Variants in TIRAP observed in about 807,000 individuals in gnomAD.
TIRAP encodes the protein toll/interleukin-1 receptor domain-containing adapter protein.
In TIRAP, 20 loss-of-function variants were observed where a neutral mutation model predicts 19.8. The observed-to-expected ratio is 1.01, with a 90% CI of 0.71 to 1.47. The LOEUF (loss-of-function observed/expected upper bound fraction) is 1.47, where lower values mean the gene tolerates loss of function less well. Among genes scored for constraint, TIRAP ranks in the 40% most tolerant of loss-of-function variants. TIRAP has a pLI of 0.00. For synonymous variants in TIRAP, 125 were observed against 121.7 expected, an observed-to-expected ratio of 1.03 and a Z score of -0.18; for missense variants, 276 against 285.1, an observed-to-expected ratio of 0.97 and a Z score of 0.23.
In TIRAP at chr11:126,288,129, C is replaced by G. The variant is rs1012160124; in HGVS notation, c.-216-2333C>G. The stretch of plus-strand genomic sequence containing the variant: ...TCCTGAGCTCACATGATCTGCCCAC[C>G]TCGGCCTCCCAAAGTGCTGGGATTA... On this transcript the variant is annotated intron_variant, in intron 1 of 4. Transcript: ENST00000392679. This position sits in a 1 kb window ranked among gnomAD's most constrained non-coding sequence, Gnocchi z 5.0. Among the ~76,000 whole-genome samples, 1 of 152,172 alleles carries G rather than the reference C, an allele frequency of 6.6e-6. No individual in the cohort carries two copies. The highest frequency in any genetic ancestry group is 1.5e-5 in the Non-Finnish European group (1 of 68,048).
At chr11:126,293,101 T>C (rs755654831) in intron 4 of TIRAP, 46 bp downstream of exon 4, 1 of 1,612,560 alleles carries the variant, frequency 6.2e-7, no homozygotes, top group Non-Finnish European at 8.5e-7. Flanking sequence ...TCAGCTACAG[T>C]ATCTGATCTA....
chr11:126,285,616 A>G (rs1040067996), intron 1 of TIRAP, among the ~76,000 whole-genome samples: 2 of 151,900 alleles, frequency 1.3e-5, no homozygotes, highest in Admixed American at 1.3e-4. Flanking sequence ...TCACTCTCCT[A>G]TTTATGTCTT....
At position 126,289,980 on chromosome 11, in the gene TIRAP, C is replaced by T. The variant is rs8177367; in HGVS notation, c.-216-482C>T. On this transcript the variant is annotated intron_variant, in intron 1 of 4. Transcript: ENST00000392679. The stretch of plus-strand genomic sequence containing the variant: ...CTGAATTAATGATCAGTTTGGGAAA[C>T]GTTAACATTACAAGTTTAATAAACC... 2.9e-3 allele frequency: 795 copies of T among 275,782 alleles called. 9 individuals carry two copies. The highest frequency in any genetic ancestry group is 0.017 in the African/African-American group (760 of 43,868). The allele number at this position is 275,782 out of a possible 1,614,324, so 17.1% of individuals were successfully genotyped here. A position where few individuals can be genotyped will look rare whatever the true frequency, so the allele number is the denominator to read the frequency against.
rs773396251 is a variant in TIRAP at position 126,292,727 on chromosome 11, C to T, written c.318C>T (p.Tyr106=). ...TGGCCGCCCAGGACCTGGTCTCCTACTTGGAAGGCAGCACTGCCAGCCTGC... is the reference window on the plus strand; with the variant it reads ...TGGCCGCCCAGGACCTGGTCTCCTATTTGGAAGGCAGCACTGCCAGCCTGC... ...DLVAAQDLVS[Y]LEGSTASLRC... Residue 106 remains tyrosine (Y), a synonymous_variant, in exon 4 of 5, where the codon TAC becomes TAT. Transcript: ENST00000392679. 6 of 1,613,546 alleles carry T rather than the reference C, an allele frequency of 3.7e-6. No individual in the cohort carries two copies. The South Asian group carries it at 6.6e-5, about 18-fold the overall frequency.
chr11:126,294,330 T>C lies in TIRAP; in HGVS notation c.*643T>C, dbSNP rs1565366142. ...GATGCAGTCAGCACTGCACTGTATTTTTTATTTATTGCCTAGGTGCCATTA... is the reference window on the plus strand; with the variant it reads ...GATGCAGTCAGCACTGCACTGTATTCTTTATTTATTGCCTAGGTGCCATTA... On this transcript the variant is annotated 3_prime_UTR_variant, in exon 5 of 5. Transcript: ENST00000392679. 2 of 353,066 alleles carry C rather than the reference T, an allele frequency of 5.7e-6. No homozygotes were observed. The highest frequency in any genetic ancestry group is 1.1e-5 in the Non-Finnish European group (2 of 179,400). 21.9% of individuals were successfully genotyped at this position (353,066 alleles called of 1,614,324 possible).
Position 126,294,731 on chromosome 11 carries a change from C to A in TIRAP, c.*1044C>A. On this transcript the variant is annotated 3_prime_UTR_variant, in exon 5 of 5. Transcript: ENST00000392679. ...CTCACTTCTCCCTATCATGACCCCTCTTTTGCTGAAAAAAATTTTTATTAT... is the reference window on the plus strand; with the variant it reads ...CTCACTTCTCCCTATCATGACCCCTATTTTGCTGAAAAAAATTTTTATTAT... The A allele has an allele frequency of 3.6e-6, 1 of 280,152 alleles. No individual in the cohort carries two copies. The highest frequency in any genetic ancestry group is 4.9e-5 in the Admixed American group (1 of 20,618). The allele number at this position is 280,152 out of a possible 1,614,324, so 17.4% of individuals were successfully genotyped here. A position where few individuals can be genotyped will look rare whatever the true frequency, so the allele number is the denominator to read the frequency against.
At chr11:126,284,890 G>C (rs962932744) in intron 1 of TIRAP, among the ~76,000 whole-genome samples, 1 of 151,680 alleles carries the variant, frequency 6.6e-6, no homozygotes, top group Non-Finnish European at 1.5e-5. Flanking sequence ...ACTGCTGTTT[G>C]AGTATATTCG....
Position 126,283,169 on chromosome 11 carries a change from G to T in TIRAP, c.-217+16G>T, listed in dbSNP as rs2135278718. 1.0e-6 allele frequency: 1 copy of T among 982,846 alleles called. No homozygotes were observed. The highest frequency in any genetic ancestry group is 1.1e-4 in the East Asian group (1 of 8,782). 60.9% of individuals were successfully genotyped at this position (982,846 alleles called of 1,614,324 possible). ...CCGCGCGCAGGTGAGCCCGGGGCGG[G>T]GTCGCGGGGGACCGGGAGGCGCGGC... is the stretch of plus-strand genomic sequence containing the variant. On this transcript the variant is annotated intron_variant, in intron 1 of 4. Transcript: ENST00000392679.
intron 1 of TIRAP, among the ~76,000 whole-genome samples, chr11:126,285,629 G>C (rs1199392960): frequency 6.6e-6 from 1 of 151,868 alleles, no homozygotes; most frequent in Admixed American, 6.6e-5. Context: ...TATGTCTTTT[G>C]ATGAACAGAA....
rs1591370408 is a variant in TIRAP at position 126,283,111 on chromosome 11, G to A, written c.-259G>A. 9 of 985,026 alleles carry A rather than the reference G, an allele frequency of 9.1e-6. No homozygotes were observed. The highest frequency in any genetic ancestry group is 1.1e-5 in the Non-Finnish European group (9 of 829,664). The allele number at this position is 985,026 out of a possible 1,614,324, so 61.0% of individuals were successfully genotyped here. A position where few individuals can be genotyped will look rare whatever the true frequency, so the allele number is the denominator to read the frequency against. ...CGCGCTGCTCTTCCCCGCGGAGCCC[G>A]CGCAGTCCGCGCAGCCCTCATCGCA... is the stretch of plus-strand genomic sequence containing the variant. On this transcript the variant is annotated 5_prime_UTR_variant, in exon 1 of 5. Coordinates refer to ENST00000392679, the MANE Select transcript of TIRAP (RefSeq NM_001318777.2).
intron 1 of TIRAP, among the ~76,000 whole-genome samples, chr11:126,283,632 T>C (rs2135279578): frequency 6.6e-6 from 1 of 152,310 alleles, no homozygotes; most frequent in Non-Finnish European, 1.5e-5. Context: ...ACACACGGGC[T>C]GGGCAGCCAC....
rs921963414 is a variant in TIRAP at position 126,290,051 on chromosome 11, T to C, written c.-216-411T>C. Among the ~76,000 whole-genome samples, 4 of 152,226 alleles carry C rather than the reference T, an allele frequency of 2.6e-5. No individual in the cohort carries two copies. The highest frequency in any genetic ancestry group is 1.3e-4 in the Admixed American group (2 of 15,278). On this transcript the variant is annotated intron_variant, in intron 1 of 4. Coordinates refer to ENST00000392679, the MANE Select transcript of TIRAP (RefSeq NM_001318777.2). The surrounding 1 kb of genome is among the most constrained non-coding windows in gnomAD (Gnocchi z 4.9). ...CAATATCTAGATTATTTTATATACA[T>C]AGTAGCCCACATTTTCTAAGCATTT...
At position 126,293,009 on chromosome 11, in the gene TIRAP, G is replaced by A. The variant is rs747533881; in HGVS notation, c.600G>A (p.Arg200=). Reference sequence around the variant, plus strand: ...GATTCATGTACTACGTCGATGGCAGGGGCCCTGATGGTGGCTTTCGTCAAG... The same window carrying A: ...GATTCATGTACTACGTCGATGGCAGAGGCCCTGATGGTGGCTTTCGTCAAG... ...ELRFMYYVDG[R]GPDGGFRQVK... Residue 200 remains arginine (R), a synonymous_variant, in exon 4 of 5, where the codon AGG becomes AGA. Coordinates refer to ENST00000392679, the MANE Select transcript of TIRAP (RefSeq NM_001318777.2). 11 of 1,614,076 alleles carry A rather than the reference G, an allele frequency of 6.8e-6. No individual in the cohort carries two copies. Among genetic ancestry groups the A allele is most frequent in the Non-Finnish European group, 9.3e-6 (11 of 1,180,042 alleles).
chr11:126,292,719 G>A lies in TIRAP; in HGVS notation c.310G>A (p.Val104Ile), dbSNP rs747051110. Residue 104 changes from valine to isoleucine, a missense_variant, in exon 4 of 5, where the codon GTC (valine) becomes ATC (isoleucine). Physicochemically the swap from Val to Ile is conservative, Grantham distance 29. Coordinates refer to ENST00000392679, the MANE Select transcript of TIRAP (RefSeq NM_001318777.2). ...EEDLVAAQDL[V>I]SYLEGSTASL... is the part of the protein sequence containing the mutation. ...AGACCTGGTGGCCGCCCAGGACCTG[G>A]TCTCCTACTTGGAAGGCAGCACTGC... is the stretch of plus-strand genomic sequence containing the variant. 6.2e-7 allele frequency: 1 copy of A among 1,613,560 alleles called. No homozygotes were observed. Among genetic ancestry groups the A allele is most frequent in the Non-Finnish European group, 8.5e-7 (1 of 1,179,784 alleles).
At chr11:126,284,033 C>CT (rs749115228) in intron 1 of TIRAP, among the ~76,000 whole-genome samples, 49,765 of 113,188 alleles carry the variant, frequency 0.44, 12,847 homozygotes, top group East Asian at 0.81. Flanking sequence ...TCATGTACTT[C>CT]TTTTTTTTTT....
intron 4 of TIRAP, 140 bp downstream of exon 4, chr11:126,293,195 T>C: frequency 6.7e-7 from 1 of 1,488,138 alleles, no homozygotes; most frequent in South Asian, 1.2e-5. Context: ...GTATCCTGGC[T>C]CCTGCACTTA....
chr11:126,293,730 G>T lies in TIRAP; in HGVS notation c.*43G>T. On this transcript the variant is annotated 3_prime_UTR_variant, in exon 5 of 5. Coordinates refer to ENST00000392679, the MANE Select transcript of TIRAP (RefSeq NM_001318777.2). ...GACCCCGGAAATTGGAGTGAAGCTA[G>T]AAACAGAAAACCCATGCAGGGCCTC... The T allele has an allele frequency of 6.2e-7, 1 of 1,612,510 alleles. No homozygotes were observed. Among genetic ancestry groups the T allele is most frequent in the Non-Finnish European group, 8.5e-7 (1 of 1,178,520 alleles).
rs1565366352 is a variant in TIRAP at position 126,294,831 on chromosome 11, C to G, written c.*1144C>G. 3 of 291,608 alleles carry G rather than the reference C, an allele frequency of 1.0e-5. No individual in the cohort carries two copies. Among genetic ancestry groups the G allele is most frequent in the African/African-American group, 6.7e-5 (3 of 44,842 alleles). The allele number at this position is 291,608 out of a possible 1,614,324, so 18.1% of individuals were successfully genotyped here. A position where few individuals can be genotyped will look rare whatever the true frequency, so the allele number is the denominator to read the frequency against. The stretch of plus-strand genomic sequence containing the variant: ...AACTATTTTGCCAGGCGCCATGGCT[C>G]ACACCTGTAATCTCAGCACTTTGGG... On this transcript the variant is annotated 3_prime_UTR_variant, in exon 5 of 5. Coordinates refer to ENST00000392679, the MANE Select transcript of TIRAP (RefSeq NM_001318777.2).
At position 126,291,266 on chromosome 11, in the gene TIRAP, G is replaced by C; in HGVS notation, c.67+305G>C. 1.8e-6 allele frequency: 1 copy of C among 555,406 alleles called. No homozygotes were observed. The highest frequency in any genetic ancestry group is 1.8e-5 in the South Asian group (1 of 54,636). The allele number at this position is 555,406 out of a possible 1,614,324, so 34.4% of individuals were successfully genotyped here. ...ACTGTCTCTTGTCGTCCAAATCTTTGTTCCAGAACCATTTAGAGGAGAAGC... is the reference window on the plus strand; with the variant it reads ...ACTGTCTCTTGTCGTCCAAATCTTTCTTCCAGAACCATTTAGAGGAGAAGC... On this transcript the variant is annotated intron_variant, in intron 3 of 4. Transcript: ENST00000392679. The surrounding 1 kb of genome is among the most constrained non-coding windows in gnomAD (Gnocchi z 5.6).
Sources: allele counts gnomAD v4.1 joint callset (sites outside exome capture counted in the v4.1 genomes callset), GRCh38; gene constraint gnomAD v4.1.1; non-coding constraint Gnocchi (gnomAD v3.1); transcripts MANE v1.5; gene names NCBI Gene and HGNC (gene_info 2026-07-23, HGNC 2026-07-21).